The following ZNF536 variants were observed in gnomAD, a reference collection of about 807,000 sequenced individuals.
ZNF536 encodes the protein zinc finger protein 536.
In ZNF536, 13 loss-of-function variants were observed where a neutral mutation model predicts 84.5. That is an observed-to-expected ratio of 0.15 (90% CI 0.10 to 0.24). The LOEUF is 0.24. ZNF536 is among the 10% of genes least tolerant of loss of function. The pLI, the probability that ZNF536 is intolerant of heterozygous loss-of-function variation, is 1.00. For missense variants in ZNF536, 1,536 were observed against 1,747.5 expected (o/e 0.88, Z 2.16); for synonymous variants, 811 against 742.5 (o/e 1.09, Z -1.50).
chr19:30,640,958 G>A (rs2049246544), intron 1 of ZNF536, among the ~76,000 whole-genome samples: 1 of 152,178 alleles, frequency 6.6e-6, no homozygotes, highest in African/African-American at 2.4e-5. Context: ...GAATGCTGTG[G>A]ACACATGAAA....
chr19:30,308,748 T>TGGTC (rs964274347), intron 2 of ZNF536, among the ~76,000 whole-genome samples: 2 of 152,164 alleles, frequency 1.3e-5, no homozygotes, highest in Non-Finnish European at 2.9e-5. Context: ...AGTCACTCTG[T>TGGTC]GGTCGCACAG....
At chr19:30,449,385 T>A (rs1056262875) in intron 2 of ZNF536, among the ~76,000 whole-genome samples, 3 of 152,232 alleles carry the variant, frequency 2.0e-5, no homozygotes, top group Admixed American at 2.0e-4. Flanking sequence ...AATCTTTGCA[T>A]CTTTCTCTAA....
At chr19:30,385,461 C>G (rs73020958) in intron 1 of ZNF536, among the ~76,000 whole-genome samples, 5,902 of 152,084 alleles carry the variant, frequency 0.039, 165 homozygotes, top group Non-Finnish European at 0.056. Context: ...GCAGTGCTTC[C>G]TCTCTTCTCC....
At chr19:30,309,360 A>G (rs189977296) in intron 2 of ZNF536, among the ~76,000 whole-genome samples, 1 of 152,318 alleles carries the variant, frequency 6.6e-6, no homozygotes, top group East Asian at 1.9e-4. Flanking sequence ...CTATGTCTAA[A>G]AATGATTTTG....
intron 1 of ZNF536, among the ~76,000 whole-genome samples, chr19:30,580,407 C>G (rs1291153676): frequency 6.6e-6 from 1 of 152,178 alleles, no homozygotes; most frequent in Non-Finnish European, 1.5e-5. Context: ...CAGAGTCTGA[C>G]CCTAGTAGGT....
In ZNF536 at chr19:30,667,882, T is replaced by C. The variant is rs1267217240; in HGVS notation, c.170-42875T>C. ...GCTGTGAAGGTCAAACCCTATAAGG[T>C]ATACATTGTTATTAGCCTCATTTCA... On this transcript the variant is annotated intron_variant, in intron 1 of 1. Coordinates refer to the ZNF536 transcript ENST00000592773. Among the ~76,000 whole-genome samples the C allele has an allele frequency of 2.0e-5, 3 of 152,020 alleles. No individual in the cohort carries two copies. In the South Asian group the frequency reaches 6.2e-4, roughly 32 times the overall value.
At chr19:30,370,529 A>G (rs2048577473), upstream of ZNF536, among the ~76,000 whole-genome samples, 1 of 152,216 alleles carries the variant, frequency 6.6e-6, no homozygotes, top group Non-Finnish European at 1.5e-5. Flanking sequence ...ATTTTATAGA[A>G]TGTCACTTTT....
chr19:30,671,947 C>A (rs991378211), intron 1 of ZNF536, among the ~76,000 whole-genome samples: 1 of 152,132 alleles, frequency 6.6e-6, no homozygotes, highest in African/African-American at 2.4e-5. Flanking sequence ...CCATCATCTA[C>A]CCAGGAGTTC....
intron 1 of ZNF536, among the ~76,000 whole-genome samples, chr19:30,433,299 C>T (rs1389729153): frequency 6.6e-6 from 1 of 152,164 alleles, no homozygotes; most frequent in East Asian, 1.9e-4. Context: ...CAGCAGGTGA[C>T]CCAAGCTTCA....
In ZNF536 at chr19:30,624,408, G is replaced by A. The variant is rs8102739; in HGVS notation, c.169+74894G>A. Among the ~76,000 whole-genome samples the A allele has an allele frequency of 4.8e-3, 731 of 152,238 alleles. 1 individual carries two copies. Among genetic ancestry groups the A allele is most frequent in the South Asian group, 8.9e-3 (43 of 4,814 alleles). ...CTAGCTCCCCTGGGAATCTGAGCCC[G>A]AGCCCAGAATGATCTAACAGTGTTG... On this transcript the variant is annotated intron_variant, in intron 1 of 1. Transcript: ENST00000592773.
At chr19:30,230,560 T>G (rs1195968668) in intron 1 of ZNF536, among the ~76,000 whole-genome samples, 1 of 152,086 alleles carries the variant, frequency 6.6e-6, no homozygotes, top group Non-Finnish European at 1.5e-5. Flanking sequence ...GCTGTTCTGG[T>G]CCAAGTCAGA....
Position 30,443,888 on chromosome 19 carries a change from A to G in ZNF536, c.326A>G (p.Gln109Arg), listed in dbSNP as rs771752100. Residue 109 changes from glutamine (Q) to arginine (R), a missense_variant, in exon 2 of 5, where the codon CAG (glutamine) becomes CGG (arginine). By Grantham distance (43) the Gln-to-Arg change is conservative. Transcript: ENST00000355537. ...RVDLQQFLNG[Q>R]NLGIMSQMSD... Reference sequence around the variant, plus strand: ...GACTTGCAGCAGTTCCTCAACGGGCAGAACCTGGGCATCATGTCCCAGATG... The same window carrying G: ...GACTTGCAGCAGTTCCTCAACGGGCGGAACCTGGGCATCATGTCCCAGATG... 16 of 1,613,678 alleles carry G rather than the reference A, an allele frequency of 9.9e-6. 1 individual carries two copies. The South Asian group carries it at 1.8e-4, about 18-fold the overall frequency.
At position 30,564,959 on chromosome 19, in the gene ZNF536, G is replaced by A. The variant is rs542735024; in HGVS notation, c.169+15445G>A. Among the ~76,000 whole-genome samples, 16 of 152,284 alleles carry A rather than the reference G, an allele frequency of 1.1e-4. No homozygotes were observed. The South Asian group carries it at 3.3e-3, about 32-fold the overall frequency. On this transcript the variant is annotated intron_variant, in intron 1 of 1. Transcript: ENST00000592773. The stretch of plus-strand genomic sequence containing the variant: ...GGGGTGGAGAACAGCCACTGTGGCT[G>A]CAGGGCTGTGATTAAGAAGGTCTTA...
chr19:30,432,332 T>C (rs1188033073), intron 1 of ZNF536, among the ~76,000 whole-genome samples: 1 of 152,022 alleles, frequency 6.6e-6, no homozygotes, highest in Non-Finnish European at 1.5e-5. Flanking sequence ...GGACTTTCCA[T>C]AGGGTGGGAT....
At chr19:30,402,794 AAAAT>A (rs138293396) in intron 1 of ZNF536, among the ~76,000 whole-genome samples, 40,440 of 76,612 alleles carry the variant, frequency 0.53, 8,030 homozygotes, top group Admixed American at 0.63. Flanking sequence ...TTAAAATTAA[AAAAT>A]ATATATATAT....
chr19:30,583,236 G>A (rs557220431), intron 1 of ZNF536, among the ~76,000 whole-genome samples: 27 of 152,332 alleles, frequency 1.8e-4, no homozygotes, highest in African/African-American at 6.0e-4. Context: ...TCTAAGAAAA[G>A]TGTGGGAGTC....
At chr19:30,688,740 G>A (rs1295258060) in intron 1 of ZNF536, among the ~76,000 whole-genome samples, 1 of 152,194 alleles carries the variant, frequency 6.6e-6, no homozygotes, top group African/African-American at 2.4e-5. Context: ...TTTCATTTAA[G>A]TGTGTGCCTG....
rs917208104 is a variant in ZNF536 at position 30,271,690 on chromosome 19, T to C, written c.-189-12382T>C. Among the ~76,000 whole-genome samples, 6 of 152,194 alleles carry C rather than the reference T, an allele frequency of 3.9e-5. No individual in the cohort carries two copies. In the East Asian group the frequency reaches 1.2e-3, roughly 29 times the overall value. On this transcript the variant is annotated intron_variant, in intron 1 of 5. Coordinates refer to the ZNF536 transcript ENST00000585628. ...TCTGGTCTCTCATACATCACAGCAC[T>C]TTTTGAAGCATCCAGGTTTCTGTCT...
At chr19:30,555,893 G>A (rs1444335228) in intron 4 of ZNF536, 1 of 152,244 alleles carries the variant, frequency 6.6e-6, no homozygotes, top group Non-Finnish European at 1.5e-5. Context: ...GTGTGGGAGT[G>A]CAGGCTGTAC....
Sources: allele counts gnomAD v4.1 joint callset (sites outside exome capture counted in the v4.1 genomes callset), GRCh38; gene constraint gnomAD v4.1.1; transcripts MANE v1.5; gene names NCBI Gene and HGNC (gene_info 2026-07-23, HGNC 2026-07-21).